Variants in DLGAP2 observed in about 807,000 individuals in gnomAD.
DLGAP2 encodes DLG associated protein 2.
Under a neutral mutation model 100.3 loss-of-function variants are expected in DLGAP2, and 26 were observed. The observed-to-expected ratio is 0.26, with a 90% CI of 0.19 to 0.36. The LOEUF is 0.36. Ranked by LOEUF, DLGAP2 falls within the 10% of genes least tolerant of loss-of-function variation. DLGAP2 has a pLI of 1.00. For missense variants in DLGAP2, 1,858 were observed against 1,453.2 expected, an observed-to-expected ratio of 1.28 and a Z score of -4.53; for synonymous variants, 886 against 630.1, an observed-to-expected ratio of 1.41 and a Z score of -6.08.
chr8:1,003,808 C>T (rs574808535), intron 2 of DLGAP2, among the ~76,000 whole-genome samples: 14 of 152,248 alleles, frequency 9.2e-5, no homozygotes, highest in African/African-American at 2.4e-4. Flanking sequence ...AATGGTGGCT[C>T]GGCCCTAAGT....
intron 1 of DLGAP2, among the ~76,000 whole-genome samples, chr8:836,389 G>A (rs1015082354): frequency 6.6e-6 from 1 of 152,220 alleles, no homozygotes; most frequent in African/African-American, 2.4e-5. Context: ...GGGGCGCTGG[G>A]CCTTGTCCGG....
At position 1,701,235 on chromosome 8, in the gene DLGAP2, G is replaced by T. The variant is rs1390497654; in HGVS notation, c.2997G>T (p.Gly999=). 2.5e-6 allele frequency: 4 copies of T among 1,578,378 alleles called. No individual in the cohort carries two copies. The highest frequency in any genetic ancestry group is 3.4e-6 in the Non-Finnish European group (4 of 1,162,744). Residue 999 remains glycine (G), a synonymous_variant, in exon 15 of 15, where the codon GGG becomes GGT. Coordinates refer to ENST00000637795, the MANE Select transcript of DLGAP2 (RefSeq NM_001346810.2). The part of the protein sequence containing the change: ...PPPIPKKPPK[G]KFPITREKSL... ...CAATACCAAAGAAGCCTCCCAAGGGGAAGTTTCCCATCACAAGAGAAAAAT... is the reference window on the plus strand; with the variant it reads ...CAATACCAAAGAAGCCTCCCAAGGGTAAGTTTCCCATCACAAGAGAAAAAT...
chr8:973,287 G>C (rs28627282), intron 2 of DLGAP2, among the ~76,000 whole-genome samples: 2 of 149,036 alleles, frequency 1.3e-5, no homozygotes, highest in South Asian at 4.2e-4. Flanking sequence ...GCAGCTGGCC[G>C]GGCGGGGGCT....
chr8:1,093,053 TGGC>T (rs1804237278), intron 2 of DLGAP2, among the ~76,000 whole-genome samples: 1 of 107,836 alleles, frequency 9.3e-6, no homozygotes, highest in Non-Finnish European at 2.0e-5. Flanking sequence ...CAGCTGAGGC[TGGC>T]AGCTGAGGCT....
At chr8:1,651,969 GC>G in intron 8 of DLGAP2, among the ~76,000 whole-genome samples, 1 of 152,342 alleles carries the variant, frequency 6.6e-6, no homozygotes, top group South Asian at 2.1e-4. Flanking sequence ...TGGGCAGGCA[GC>G]CTGCCCCAGG....
chr8:1,241,687 A>T (rs1798800117), intron 2 of DLGAP2, among the ~76,000 whole-genome samples: 2 of 152,126 alleles, frequency 1.3e-5, no homozygotes, highest in African/African-American at 2.4e-5. Flanking sequence ...GTATAATTTT[A>T]ATTTTTCAGG....
intron 3 of DLGAP2, among the ~76,000 whole-genome samples, chr8:1,272,872 A>G (rs1376752068): frequency 6.6e-6 from 1 of 152,182 alleles, no homozygotes; most frequent in Non-Finnish European, 1.5e-5. Context: ...TGGGGGCAGA[A>G]GGGTGTGTAG....
chr8:1,106,240 G>T (rs1318643389), intron 2 of DLGAP2, among the ~76,000 whole-genome samples: 1 of 150,700 alleles, frequency 6.6e-6, no homozygotes, highest in Non-Finnish European at 1.5e-5. Flanking sequence ...AACCATTCTA[G>T]GAGGGTTTTC....
chr8:1,065,721 G>C (rs994044923), intron 2 of DLGAP2, among the ~76,000 whole-genome samples: 1 of 152,158 alleles, frequency 6.6e-6, no homozygotes, highest in South Asian at 2.1e-4. Flanking sequence ...GGCACTTCTG[G>C]TTATCCCATT....
At chr8:1,237,838 A>T (rs1798698734) in intron 2 of DLGAP2, among the ~76,000 whole-genome samples, 1 of 10,658 alleles carries the variant, frequency 9.4e-5, no homozygotes, top group South Asian at 2.6e-3. Context: ...TAGTTCTCTC[A>T]CATGGCGCCA....
intron 8 of DLGAP2, among the ~76,000 whole-genome samples, chr8:1,634,265 G>A (rs562356676): frequency 2.6e-5 from 4 of 152,140 alleles, no homozygotes; most frequent in East Asian, 3.9e-4. Flanking sequence ...GTGGATCCTC[G>A]GTGTGCTTTT....
intron 6 of DLGAP2, among the ~76,000 whole-genome samples, chr8:1,603,234 C>T (rs1034142175): frequency 3.5e-5 from 5 of 142,568 alleles, no homozygotes; most frequent in African/African-American, 1.3e-4. Context: ...GGCTGGGTCT[C>T]AGTTCTACAG....
At chr8:1,266,681 C>T (rs577683456) in intron 3 of DLGAP2, among the ~76,000 whole-genome samples, 7 of 152,082 alleles carry the variant, frequency 4.6e-5, no homozygotes, top group South Asian at 2.1e-4. Flanking sequence ...GCACCCGGGA[C>T]GTTGAAGGCT....
At chr8:1,060,916 C>G (rs764052064) in intron 2 of DLGAP2, among the ~76,000 whole-genome samples, 18 of 152,206 alleles carry the variant, frequency 1.2e-4, no homozygotes, top group Non-Finnish European at 2.5e-4. Flanking sequence ...GGAAGGGAGA[C>G]TTACTTGCAT....
At chr8:1,343,636 C>A (rs1218613781) in intron 3 of DLGAP2, among the ~76,000 whole-genome samples, 3 of 152,186 alleles carry the variant, frequency 2.0e-5, no homozygotes, top group Non-Finnish European at 1.5e-5. Context: ...AAATGCACGT[C>A]CTGTTTTTCC....
At chr8:1,442,298 G>GA (rs1014851205) in intron 3 of DLGAP2, among the ~76,000 whole-genome samples, 4 of 144,056 alleles carry the variant, frequency 2.8e-5, no homozygotes, top group African/African-American at 1.0e-4. Flanking sequence ...TCCAGTCATA[G>GA]ACCTGCCAGG....
Position 1,390,694 on chromosome 8 carries a change from T to A in DLGAP2, c.107-110672T>A, listed in dbSNP as rs548277834. 7.2e-5 allele frequency among the ~76,000 whole-genome samples: 11 copies of A among 152,280 alleles called. 1 individual carries two copies. The South Asian group carries it at 2.3e-3, about 32-fold the overall frequency. ...GCTCTGATCTGAGTCTCTTGTTGGG[T>A]GCTGGTGGTGAGGGAGGATCTTTTC... On this transcript the variant is annotated intron_variant, in intron 3 of 14. Transcript: ENST00000637795.
Position 1,548,969 on chromosome 8 carries a change from G to T in DLGAP2, c.516G>T (p.Thr172=). 1.9e-6 allele frequency: 3 copies of T among 1,598,996 alleles called. No homozygotes were observed. Among genetic ancestry groups the T allele is most frequent in the Non-Finnish European group, 2.5e-6 (3 of 1,179,442 alleles). ...PRMHYSSHYD[T]RDDCAVAHAG... ...TGCACTACAGCTCGCACTACGACAC[G>T]CGCGACGACTGCGCTGTGGCCCACG... Residue 172 remains threonine, a synonymous_variant, in exon 5 of 15, where the codon ACG becomes ACT. Transcript: ENST00000637795.
intron 1 of DLGAP2, among the ~76,000 whole-genome samples, chr8:747,760 GTC>G (rs1563409280): frequency 3.1e-5 from 1 of 32,224 alleles, no homozygotes. Flanking sequence ...TGGGATGGGG[GTC>G]TCTGCGGTGG....
Sources: gnomAD v4.1 joint callset for allele counts (sites outside exome capture counted in the v4.1 genomes callset) on GRCh38, gnomAD v4.1.1 for gene constraint, MANE v1.5 for transcripts, NCBI Gene and HGNC (gene_info 2026-07-23, HGNC 2026-07-21) for gene names.